Variants in DCLK1 observed in about 807,000 individuals in gnomAD.
DCLK1 encodes serine/threonine-protein kinase DCLK1.
DCLK1 carries 16 observed loss-of-function variants against 86.2 expected under a neutral mutation model. That is an observed-to-expected ratio of 0.19 (90% CI 0.13 to 0.28). DCLK1 has a LOEUF of 0.28. Ranked by LOEUF, DCLK1 falls within the 10% of genes least tolerant of loss-of-function variation. The pLI is 1.00. For synonymous variants in DCLK1, 369 were observed against 370.5 expected (o/e 1.00, Z 0.05); for missense variants, 590 against 940.2 (o/e 0.63, Z 4.87).
intron 15 of DCLK1, among the ~76,000 whole-genome samples, chr13:35,804,771 C>T (rs542255179): frequency 1.2e-4 from 19 of 152,242 alleles, no homozygotes; most frequent in Middle Eastern, 6.8e-3. Context: ...TTTCACCCAT[C>T]GGTTGTAGAG....
intron 4 of DCLK1, among the ~76,000 whole-genome samples, chr13:35,936,145 G>A (rs1876738237): frequency 6.6e-6 from 1 of 152,112 alleles, no homozygotes. Flanking sequence ...CAAGGGGAGA[G>A]AATTTCAAGG....
intron 14 of DCLK1, among the ~76,000 whole-genome samples, chr13:35,806,281 C>T (rs2087026212): frequency 6.6e-6 from 1 of 152,098 alleles, no homozygotes; most frequent in South Asian, 2.1e-4. Context: ...TTCCCCAATT[C>T]TGGGTGGCAA....
intron 3 of DCLK1, among the ~76,000 whole-genome samples, chr13:35,968,610 TG>T (rs1878898719): frequency 6.6e-6 from 1 of 152,182 alleles, no homozygotes; most frequent in Admixed American, 6.5e-5. Flanking sequence ...ACCTGACTGT[TG>T]ATCTATTGGA....
chr13:35,902,499 G>A (rs941685428), intron 4 of DCLK1, among the ~76,000 whole-genome samples: 3 of 152,138 alleles, frequency 2.0e-5, no homozygotes, highest in Admixed American at 2.0e-4. Flanking sequence ...GGTGATTTGC[G>A]GGCAGAAGCA....
chr13:36,088,269 C>T (rs983767252), intron 3 of DCLK1, among the ~76,000 whole-genome samples: 6 of 152,298 alleles, frequency 3.9e-5, no homozygotes, highest in African/African-American at 7.2e-5. Flanking sequence ...TTGAGGAAAA[C>T]TCCCTCTGCA....
At chr13:35,849,941 C>A in intron 6 of DCLK1, 1 of 955,338 alleles carries the variant, frequency 1.0e-6, no homozygotes, top group Non-Finnish European at 1.2e-6. Flanking sequence ...AAAAATTATA[C>A]AATCTATAGC....
chr13:35,988,124 ACT>A (rs1880034341), intron 3 of DCLK1, among the ~76,000 whole-genome samples: 1 of 152,062 alleles, frequency 6.6e-6, no homozygotes, highest in African/African-American at 2.4e-5. Context: ...ACCCAGCCCC[ACT>A]GTTTCCTCCC....
chr13:35,996,369 C>A (rs1880479088), intron 3 of DCLK1, among the ~76,000 whole-genome samples: 1 of 152,184 alleles, frequency 6.6e-6, no homozygotes, highest in African/African-American at 2.4e-5. Context: ...TTGAGGTGGT[C>A]AATTTTATGT....
At chr13:35,989,927 A>T (rs996928969) in intron 3 of DCLK1, among the ~76,000 whole-genome samples, 1 of 152,132 alleles carries the variant, frequency 6.6e-6, no homozygotes, top group South Asian at 2.1e-4. Context: ...AAAATAACTG[A>T]TATGTGATAA....
intron 4 of DCLK1, among the ~76,000 whole-genome samples, chr13:35,933,978 CCT>C (rs1876615085): frequency 6.6e-6 from 1 of 152,132 alleles, no homozygotes. Flanking sequence ...TTTAACAGCC[CCT>C]GAGTCACCTC....
At chr13:36,124,386 A>G (rs892856632) in intron 2 of DCLK1, among the ~76,000 whole-genome samples, 5 of 152,262 alleles carry the variant, frequency 3.3e-5, no homozygotes, top group Non-Finnish European at 7.3e-5. Flanking sequence ...TGTTGGCAGC[A>G]TGTCAAGTCA....
chr13:35,925,374 G>T (rs1177398959), intron 4 of DCLK1, among the ~76,000 whole-genome samples: 3 of 152,120 alleles, frequency 2.0e-5, no homozygotes, highest in African/African-American at 7.2e-5. Flanking sequence ...CCAAACATGA[G>T]AAATTATATA....
chr13:35,803,374 A>G (rs1351672982), intron 15 of DCLK1, among the ~76,000 whole-genome samples: 4 of 152,172 alleles, frequency 2.6e-5, no homozygotes, highest in Non-Finnish European at 5.9e-5. Flanking sequence ...CCACTCCTGG[A>G]TACTGGCTGT....
chr13:35,972,937 T>C (rs1879143268), intron 3 of DCLK1, among the ~76,000 whole-genome samples: 1 of 150,288 alleles, frequency 6.7e-6, no homozygotes, highest in African/African-American at 2.5e-5. Context: ...TACAAATGCA[T>C]TATTATTATT....
chr13:36,063,392 C>T (rs938263861), intron 3 of DCLK1, among the ~76,000 whole-genome samples: 1 of 152,080 alleles, frequency 6.6e-6, no homozygotes. Context: ...CTCTGCCTCA[C>T]AAGGAAGCTA....
intron 15 of DCLK1, among the ~76,000 whole-genome samples, chr13:35,798,390 TA>T (rs1294342628): frequency 6.6e-6 from 1 of 152,228 alleles, no homozygotes; most frequent in Non-Finnish European, 1.5e-5. Context: ...CAGACTCCAT[TA>T]TTAATATCTG....
intron 3 of DCLK1, among the ~76,000 whole-genome samples, chr13:36,020,349 C>T (rs1053652275): frequency 5.3e-5 from 8 of 152,164 alleles, no homozygotes; most frequent in African/African-American, 7.2e-5. Flanking sequence ...TAAAGAAGCA[C>T]TTCTGGAATG....
At position 35,879,631 on chromosome 13, in the gene DCLK1, G is replaced by C. The variant is rs578185528; in HGVS notation, c.824-8291C>G. 3.6e-4 allele frequency among the ~76,000 whole-genome samples: 55 copies of C among 152,280 alleles called. 2 individuals carry two copies. The South Asian group carries it at 0.01, about 29-fold the overall frequency. ...ACTATCTTATCTCTGTCAAACCTGA[G>C]TGTTCTCATCCACAAGGGTCCCAGT... On this transcript the variant is annotated intron_variant, in intron 4 of 16. Coordinates refer to ENST00000360631, the MANE Select transcript of DCLK1 (RefSeq NM_001330071.2).
intron 4 of DCLK1, among the ~76,000 whole-genome samples, chr13:35,903,186 A>G (rs547221545): frequency 1.4e-4 from 22 of 152,308 alleles, no homozygotes; most frequent in South Asian, 6.2e-4. Flanking sequence ...AGTTGCTTCT[A>G]TCAATTGCCC....
Sources: allele counts gnomAD v4.1 joint callset (sites outside exome capture counted in the v4.1 genomes callset), GRCh38; gene constraint gnomAD v4.1.1; transcripts MANE v1.5; gene names NCBI Gene and HGNC (gene_info 2026-07-23, HGNC 2026-07-21).